PCGF6: variants seen among roughly 807,000 people sequenced by gnomAD.
PCGF6 encodes the protein polycomb group ring finger 6.
PCGF6 carries 24 observed loss-of-function variants against 45.5 expected under a neutral mutation model. The ratio of observed to expected loss-of-function variants is 0.53; its 90% CI spans 0.38 to 0.74. PCGF6 has a LOEUF of 0.74. Ranked by LOEUF, PCGF6 falls within the 30% of genes least tolerant of loss-of-function variation. The pLI is 0.00. For missense variants in PCGF6, 356 were observed against 443.2 expected, an observed-to-expected ratio of 0.80 and a Z score of 1.77; for synonymous variants, 152 against 162.1, an observed-to-expected ratio of 0.94 and a Z score of 0.47.
chr10:103,329,623 G>A (rs867556593), intron 7 of PCGF6, among the ~76,000 whole-genome samples: 23 of 151,566 alleles, frequency 1.5e-4, no homozygotes, highest in African/African-American at 4.1e-4. Context: ...GACTACAGGC[G>A]TGAGCCACCA....
At chr10:103,318,972 A>G (rs1184122393) in intron 8 of PCGF6, among the ~76,000 whole-genome samples, 1 of 152,204 alleles carries the variant, frequency 6.6e-6, no homozygotes, top group East Asian at 1.9e-4. Context: ...CTGGAGTATC[A>G]AGAAGAGATA....
chr10:103,347,145 T>A (rs917785868), intron 5 of PCGF6, 93 bp downstream of exon 5: 1 of 948,630 alleles, frequency 1.1e-6, no homozygotes, highest in African/African-American at 1.7e-5. Flanking sequence ...GATCATATAA[T>A]AAGCTACCCC....
At chr10:103,332,209 T>C (rs543491399) in intron 7 of PCGF6, among the ~76,000 whole-genome samples, 1 of 152,344 alleles carries the variant, frequency 6.6e-6, no homozygotes, top group South Asian at 2.1e-4. Flanking sequence ...ACCATGTTTT[T>C]TCATGTGTAA....
At chr10:103,339,810 A>AACACACAC (rs201660003) in intron 6 of PCGF6, among the ~76,000 whole-genome samples, 3 of 32,240 alleles carry the variant, frequency 9.3e-5, no homozygotes, top group Non-Finnish European at 2.1e-4. Flanking sequence ...TCAAAAAAAA[A>AACACACAC]ACACACACAC....
chr10:103,322,263 C>T (rs2093200334), intron 8 of PCGF6, among the ~76,000 whole-genome samples: 1 of 151,954 alleles, frequency 6.6e-6, no homozygotes, highest in African/African-American at 2.4e-5. Flanking sequence ...TGCAGTGGTG[C>T]AATCATGGAT....
chr10:103,324,832 A>AT (rs2093211465), intron 8 of PCGF6, among the ~76,000 whole-genome samples: 1 of 149,964 alleles, frequency 6.7e-6, no homozygotes, highest in Non-Finnish European at 1.5e-5. Context: ...CTTTTAATCC[A>AT]TAAAAAAAAC....
In PCGF6 at chr10:103,340,631, C is replaced by G. The variant is rs545126603; in HGVS notation, c.782+4393G>C. ...TTTTTTTTTGAGACAGGGTCTTGCT[C>G]TGTCACCCAGGTTGGAATGCAGTGG... On this transcript the variant is annotated intron_variant, in intron 6 of 9. Transcript: ENST00000369847. 4.6e-5 allele frequency among the ~76,000 whole-genome samples: 7 copies of G among 151,248 alleles called. No individual in the cohort carries two copies. The South Asian group carries it at 1.0e-3, about 23-fold the overall frequency.
At chr10:103,350,211 C>G (rs2093316022) in intron 1 of PCGF6, among the ~76,000 whole-genome samples, 1 of 151,386 alleles carries the variant, frequency 6.6e-6, no homozygotes, top group African/African-American at 2.4e-5. Context: ...GAGGGAGAAT[C>G]TCTTGAACCC....
At chr10:103,346,159 C>A (rs1156700446) in intron 5 of PCGF6, among the ~76,000 whole-genome samples, 1 of 149,406 alleles carries the variant, frequency 6.7e-6, no homozygotes, top group Non-Finnish European at 1.5e-5. Flanking sequence ...CATGCCACTG[C>A]ACTCCAGCCT....
Position 103,347,445 on chromosome 10 carries a change from T to A in PCGF6, c.563A>T (p.Asp188Val), listed in dbSNP as rs1166728009. The A allele has an allele frequency of 6.2e-7, 1 of 1,604,304 alleles. No individual in the cohort carries two copies. The highest frequency in any genetic ancestry group is 8.5e-7 in the Non-Finnish European group (1 of 1,173,002). Residue 188 changes from aspartate (D) to valine (V), a missense_variant, in exon 4 of 10, where the codon GAC becomes GTC. Coordinates refer to ENST00000369847, the MANE Select transcript of PCGF6 (RefSeq NM_001011663.2). The stretch of plus-strand genomic sequence containing the variant: ...GTACACTATGTCTTGTAACTGTCGG[T>A]CCAACCTAATAAAAGGAAAGGATGG... Reference protein sequence around the residue: ...QTQPLYNIRLDRQLQDIVYKL... With the variant: ...QTQPLYNIRLVRQLQDIVYKL...
chr10:103,314,515 T>C (rs1293677456), intron 8 of PCGF6, among the ~76,000 whole-genome samples: 1 of 152,210 alleles, frequency 6.6e-6, no homozygotes, highest in Non-Finnish European at 1.5e-5. Flanking sequence ...TCAAAATGAT[T>C]TCCCTGAATC....
chr10:103,337,120 C>A (rs977369859), intron 6 of PCGF6, among the ~76,000 whole-genome samples: 1 of 152,112 alleles, frequency 6.6e-6, no homozygotes, highest in East Asian at 1.9e-4. Context: ...TCCAGTTATA[C>A]CTGTTTACCA....
At chr10:103,343,726 G>A (rs2093289190) in intron 6 of PCGF6, among the ~76,000 whole-genome samples, 1 of 150,840 alleles carries the variant, frequency 6.6e-6, no homozygotes, top group Admixed American at 6.7e-5. Context: ...CCAGCTACTT[G>A]GGAGGCTGAG....
At chr10:103,350,557 A>T in intron 1 of PCGF6, 150 bp downstream of exon 1, 1 of 712,688 alleles carries the variant, frequency 1.4e-6, no homozygotes, top group Non-Finnish European at 2.0e-6. Flanking sequence ...CCACACGCCT[A>T]GGCAGCCGGG....
At chr10:103,314,139 T>G (rs2093166629) in intron 9 of PCGF6, 47 bp downstream of exon 9, 1 of 1,235,550 alleles carries the variant, frequency 8.1e-7, no homozygotes, top group African/African-American at 1.5e-5. Flanking sequence ...ATGGATAACT[T>G]TCACTAAGTA....
intron 9 of PCGF6, among the ~76,000 whole-genome samples, chr10:103,306,660 A>G (rs897733806): frequency 1.3e-5 from 2 of 152,170 alleles, no homozygotes; most frequent in African/African-American, 4.8e-5. Context: ...GTAAAAACTC[A>G]CCAGAATTCT....
At chr10:103,349,953 G>C (rs903353665) in intron 1 of PCGF6, among the ~76,000 whole-genome samples, 8 of 151,834 alleles carry the variant, frequency 5.3e-5, no homozygotes, top group Admixed American at 5.2e-4. Context: ...GTGGTGGCGG[G>C]CGCCTTGTAG....
At chr10:103,318,913 C>G (rs2093186215) in intron 8 of PCGF6, among the ~76,000 whole-genome samples, 1 of 152,178 alleles carries the variant, frequency 6.6e-6, no homozygotes, top group Non-Finnish European at 1.5e-5. Context: ...CTAACGACAG[C>G]AGCCTCAAGG....
At position 103,307,460 on chromosome 10, in the gene PCGF6, G is replaced by C. The variant is rs183850317; in HGVS notation, c.997-3499C>G. Among the ~76,000 whole-genome samples, 57 of 151,710 alleles carry C rather than the reference G, an allele frequency of 3.8e-4. 2 individuals carry two copies. In the East Asian group the frequency reaches 8.5e-3, roughly 23 times the overall value. ...GCAAGACCCTGTCTCAAAAAAAAAA[G>C]AAAGAAAGTTTGTTTATTTCATTCA... On this transcript the variant is annotated intron_variant, in intron 9 of 9. Coordinates refer to ENST00000369847, the MANE Select transcript of PCGF6 (RefSeq NM_001011663.2).
Sources: gnomAD v4.1 joint callset for allele counts (sites outside exome capture counted in the v4.1 genomes callset) on GRCh38, gnomAD v4.1.1 for gene constraint, MANE v1.5 for transcripts, NCBI Gene and HGNC (gene_info 2026-07-23, HGNC 2026-07-21) for gene names.